Variants in FOCAD observed in about 807,000 individuals in gnomAD.
The protein encoded by FOCAD is focadhesin, also known as KIAA1797.
In FOCAD, 198 loss-of-function variants were observed where a neutral mutation model predicts 225.6. The ratio of observed to expected loss-of-function variants is 0.88; its 90% CI spans 0.78 to 0.99. The LOEUF (loss-of-function observed/expected upper bound fraction) is 0.99, where lower values mean the gene tolerates loss of function less well. Among genes scored for constraint, FOCAD ranks in the 50% least tolerant of loss-of-function variants. The pLI, the probability that FOCAD is intolerant of heterozygous loss-of-function variation, is 0.00. For synonymous variants in FOCAD, 897 were observed against 755.0 expected (o/e 1.19, Z -3.08); for missense variants, 2,713 against 2,123.6 (o/e 1.28, Z -5.46).
intron 1 of FOCAD, among the ~76,000 whole-genome samples, chr9:20,697,261 T>A (rs530875690): frequency 6.6e-6 from 1 of 152,348 alleles, no homozygotes; most frequent in Admixed American, 6.5e-5. Flanking sequence ...GGTCCGTCTC[T>A]TTTTCTTTTT....
chr9:20,933,363 C>G (rs1020359752), intron 28 of FOCAD, among the ~76,000 whole-genome samples: 1 of 152,174 alleles, frequency 6.6e-6, no homozygotes, highest in Non-Finnish European at 1.5e-5. Context: ...CGCTTTCTCC[C>G]TGAATCCCCA....
In FOCAD at chr9:20,806,919, A is replaced by G. The variant is rs577592196; in HGVS notation, c.1456-12877A>G. Among the ~76,000 whole-genome samples the G allele has an allele frequency of 5.9e-5, 9 of 152,370 alleles. No individual in the cohort carries two copies. In the South Asian group the frequency reaches 1.9e-3, roughly 32 times the overall value. On this transcript the variant is annotated intron_variant, in intron 11 of 43. Coordinates refer to ENST00000338382, the MANE Select transcript of FOCAD (RefSeq NM_001375567.1). ...CATTCAAGAAAGATTTATTGTTTAA[A>G]GAAAGTTGTGTAAACCTTCTGCATA... is the stretch of plus-strand genomic sequence containing the variant.
At chr9:20,667,288 A>G (rs984632963) in intron 2 of FOCAD, among the ~76,000 whole-genome samples, 8 of 152,230 alleles carry the variant, frequency 5.3e-5, no homozygotes, top group African/African-American at 1.9e-4. Context: ...CAAAGGCTAT[A>G]TACTTTAGGA....
In FOCAD at chr9:20,764,915, C is replaced by G; in HGVS notation, c.541C>G (p.Leu181Val). The G allele has an allele frequency of 6.2e-7, 1 of 1,614,084 alleles. No homozygotes were observed. Among genetic ancestry groups the G allele is most frequent in the Non-Finnish European group, 8.5e-7 (1 of 1,180,010 alleles). Residue 181 changes from leucine (L) to valine (V), a missense_variant, in exon 7 of 44, where the codon CTG (leucine) becomes GTG (valine). Leu to Val is a conservative substitution (Grantham distance 32). Transcript: ENST00000338382. Reference protein sequence around the residue: ...IQIMAPFLWYLYCEPSQLQEY... With the variant: ...IQIMAPFLWYVYCEPSQLQEY... ...AATAATGGCACCATTTCTGTGGTAT[C>G]TGTATTGTGAACCATCTCAGTTACA...
intron 4 of FOCAD, among the ~76,000 whole-genome samples, chr9:20,722,773 T>C (rs1310493349): frequency 6.6e-6 from 1 of 152,248 alleles, no homozygotes; most frequent in South Asian, 2.1e-4. Flanking sequence ...CATTTATTGG[T>C]TGATCTTGTG....
chr9:20,813,035 C>G (rs1294856048), intron 11 of FOCAD, among the ~76,000 whole-genome samples: 1 of 152,076 alleles, frequency 6.6e-6, no homozygotes, highest in African/African-American at 2.4e-5. Context: ...TCTCCCTCCC[C>G]AACTGTCTGG....
intron 11 of FOCAD, among the ~76,000 whole-genome samples, chr9:20,817,765 C>G (rs1212842400): frequency 6.6e-6 from 1 of 151,688 alleles, no homozygotes; most frequent in African/African-American, 2.4e-5. Flanking sequence ...TATGGTTATA[C>G]TGTATTTTGT....
chr9:20,921,674 A>G (rs1224373275), intron 24 of FOCAD, among the ~76,000 whole-genome samples: 4 of 152,206 alleles, frequency 2.6e-5, no homozygotes, highest in African/African-American at 9.7e-5. Flanking sequence ...TTATCCAAAT[A>G]TGTGTTCATT....
intron 8 of FOCAD, among the ~76,000 whole-genome samples, chr9:20,770,856 A>G (rs1036725996): frequency 1.3e-5 from 2 of 152,228 alleles, no homozygotes; most frequent in African/African-American, 4.8e-5. Flanking sequence ...TCAATTAAAG[A>G]TCACCACTGT....
chr9:20,897,334 G>T (rs1832175985), intron 21 of FOCAD, among the ~76,000 whole-genome samples: 2 of 151,060 alleles, frequency 1.3e-5, no homozygotes, highest in African/African-American at 4.8e-5. Context: ...CTTGGTTTTT[G>T]ATCTACTTTG....
At chr9:20,971,304 C>T (rs1315002369) in intron 35 of FOCAD, among the ~76,000 whole-genome samples, 1 of 152,194 alleles carries the variant, frequency 6.6e-6, no homozygotes, top group Non-Finnish European at 1.5e-5. Context: ...TAAAATAACT[C>T]TGCTGCCACT....
chr9:20,735,109 T>G (rs1827038575), intron 4 of FOCAD, among the ~76,000 whole-genome samples: 1 of 152,146 alleles, frequency 6.6e-6, no homozygotes, highest in African/African-American at 2.4e-5. Flanking sequence ...ATGAATCTTA[T>G]TCTTCTGTGA....
chr9:20,682,220 A>G (rs563818823), upstream of FOCAD, among the ~76,000 whole-genome samples: 5 of 152,358 alleles, frequency 3.3e-5, no homozygotes, highest in South Asian at 6.2e-4. Context: ...TATTGTTTAT[A>G]AATTACCCAG....
At chr9:20,924,490 A>C (rs1205587616) in intron 25 of FOCAD, among the ~76,000 whole-genome samples, 3 of 152,216 alleles carry the variant, frequency 2.0e-5, no homozygotes, top group Admixed American at 6.5e-5. Context: ...AACAATGCTC[A>C]CCAGATAGGA....
At chr9:20,870,076 A>T (rs895609241) in intron 18 of FOCAD, among the ~76,000 whole-genome samples, 2 of 152,202 alleles carry the variant, frequency 1.3e-5, no homozygotes, top group Non-Finnish European at 2.9e-5. Context: ...TCAGTAATGG[A>T]TAAACATTTA....
intron 4 of FOCAD, among the ~76,000 whole-genome samples, chr9:20,732,473 G>A (rs1161771751): frequency 1.3e-5 from 2 of 152,216 alleles, no homozygotes; most frequent in African/African-American, 2.4e-5. Context: ...AATGCTAAGA[G>A]TGAGGGGAGA....
intron 28 of FOCAD, among the ~76,000 whole-genome samples, chr9:20,944,349 A>C (rs1474319414): frequency 6.6e-6 from 1 of 152,220 alleles, no homozygotes; most frequent in East Asian, 1.9e-4. Flanking sequence ...CTCACCCATA[A>C]AGTTTAAGTC....
At chr9:20,905,135 A>G (rs555373600) in intron 21 of FOCAD, among the ~76,000 whole-genome samples, 1 of 152,062 alleles carries the variant, frequency 6.6e-6, no homozygotes, top group South Asian at 2.1e-4. Context: ...TCCATAGAAC[A>G]CTAAGTCTAG....
At chr9:20,704,454 A>G (rs1008560917) in intron 1 of FOCAD, among the ~76,000 whole-genome samples, 1 of 152,248 alleles carries the variant, frequency 6.6e-6, no homozygotes, top group African/African-American at 2.4e-5. Context: ...TGCAACAATC[A>G]AAAATGTTGC....
Sources: allele counts gnomAD v4.1 joint callset (sites outside exome capture counted in the v4.1 genomes callset), GRCh38; gene constraint gnomAD v4.1.1; transcripts MANE v1.5; gene names NCBI Gene and HGNC (gene_info 2026-07-23, HGNC 2026-07-21).